The following WFS1 variants were observed in gnomAD, a reference collection of about 807,000 sequenced individuals.
WFS1 encodes the protein wolframin ER transmembrane glycoprotein.
Under a neutral mutation model 68.5 loss-of-function variants are expected in WFS1, and 90 were observed. The ratio of observed to expected loss-of-function variants is 1.31; its 90% confidence interval spans 1.11 to 1.56. WFS1 has a LOEUF of 1.56. Ranked by LOEUF, WFS1 falls within the 40% of genes most tolerant of loss-of-function variation. WFS1 has a pLI of 0.00. For missense variants in WFS1, 1,767 were observed against 1,232.6 expected (o/e 1.43, Z -6.49); for synonymous variants, 860 against 540.7 (o/e 1.59, Z -8.19).
rs148452706 is a variant in WFS1 at position 6,285,357 on chromosome 4, G to A, written c.233-1736G>A. 4.9e-3 allele frequency among the ~76,000 whole-genome samples: 737 copies of A among 150,914 alleles called. 4 individuals carry two copies. Among genetic ancestry groups the A allele is most frequent in the Middle Eastern group, 0.017 (5 of 294 alleles). On this transcript the variant is annotated intron_variant, in intron 2 of 7. Coordinates refer to ENST00000226760, the MANE Select transcript of WFS1 (RefSeq NM_006005.3). ...CCTGTCAGGGAGGGTGGTGTCCAGG[G>A]AAAGCAGCATCAAGGGAGAGGGGTG...
At chr4:6,285,131 T>C (rs910637671) in intron 2 of WFS1, among the ~76,000 whole-genome samples, 4 of 151,822 alleles carry the variant, frequency 2.6e-5, no homozygotes, top group Admixed American at 2.6e-4. Context: ...GCAAGGAAGC[T>C]GAGCCCGAAA....
chr4:6,278,641 G>C (rs1487331720), intron 2 of WFS1, among the ~76,000 whole-genome samples: 1 of 152,224 alleles, frequency 6.6e-6, no homozygotes, highest in Admixed American at 6.5e-5. Context: ...TCTTGTCCCA[G>C]TCACCCCACT....
At chr4:6,293,064 A>G (rs1730511900) in intron 6 of WFS1, among the ~76,000 whole-genome samples, 1 of 152,216 alleles carries the variant, frequency 6.6e-6, no homozygotes, top group African/African-American at 2.4e-5. Context: ...AGGAAGCCCG[A>G]GGACCAGAGA....
At position 6,301,220 on chromosome 4, in the gene WFS1, C is replaced by T. The variant is rs370846103; in HGVS notation, c.1425C>T (p.Pro475=). Residue 475 remains proline (P), a synonymous_variant, in exon 8 of 8, where the codon CCC becomes CCT. Coordinates refer to ENST00000226760, the MANE Select transcript of WFS1 (RefSeq NM_006005.3). ...AGLLSLLPSM[P]LNWPYLKVLG... is the part of the protein sequence containing the mutation. ...TGCTATCGCTGCTGCCCTCCATGCC[C>T]TTGAATTGGCCCTACCTGAAGGTCC... is the stretch of plus-strand genomic sequence containing the variant. The T allele has an allele frequency of 5.8e-5, 93 of 1,611,924 alleles. No individual in the cohort carries two copies. The highest frequency in any genetic ancestry group is 7.5e-5 in the Non-Finnish European group (88 of 1,180,028).
At chr4:6,291,087 C>A (rs529419595) in intron 4 of WFS1, 110 bp from the exon 5 acceptor site, 2 of 1,271,112 alleles carry the variant, frequency 1.6e-6, no homozygotes, top group African/African-American at 1.5e-5. Flanking sequence ...AGTCCTGACA[C>A]CTTCTATGAG....
chr4:6,301,405 GC>G lies in WFS1; in HGVS notation c.1611del (p.Phe538SerfsTer87), dbSNP rs749058659. The G allele has an allele frequency of 6.2e-7, 1 of 1,612,486 alleles. No homozygotes were observed. Among genetic ancestry groups the G allele is most frequent in the Non-Finnish European group, 8.5e-7 (1 of 1,180,020 alleles). On this transcript the variant is annotated frameshift_variant, in exon 8 of 8. Coordinates refer to ENST00000226760, the MANE Select transcript of WFS1 (RefSeq NM_006005.3). LOFTEE classifies it high-confidence loss of function. ...TYCYLVPYLV[C>X]FMWCELSVVI... ...TGCTACCTTGTGCCCTACCTGGTGT[GC>G]TTCATGTGGTGTGAGCTCTCCGTGG...
At chr4:6,293,035 G>A (rs1483178321) in intron 6 of WFS1, among the ~76,000 whole-genome samples, 1 of 152,196 alleles carries the variant, frequency 6.6e-6, no homozygotes, top group Non-Finnish European at 1.5e-5. Flanking sequence ...CATGGAAGTG[G>A]GAAGAAATCT....
intron 4 of WFS1, 45 bp from the exon 5 acceptor site, chr4:6,291,152 C>T (rs1305780288): frequency 6.2e-7 from 1 of 1,605,950 alleles, no homozygotes; most frequent in African/African-American, 1.3e-5. Context: ...GCACCGAAAG[C>T]CTAGGCAGGG....
intron 3 of WFS1, among the ~76,000 whole-genome samples, chr4:6,288,244 C>T (rs540703493): frequency 6.6e-6 from 1 of 151,740 alleles, no homozygotes; most frequent in African/African-American, 2.4e-5. Flanking sequence ...AATTTCTTTC[C>T]TGACCTCACA....
chr4:6,287,094 G>C lies in WFS1; in HGVS notation c.234G>C (p.Gly78=), dbSNP rs1205134261. 1 of 1,555,850 alleles carries C rather than the reference G, an allele frequency of 6.4e-7. No homozygotes were observed. Among genetic ancestry groups the C allele is most frequent in the Non-Finnish European group, 8.7e-7 (1 of 1,148,382 alleles). Residue 78 remains glycine, a splice_region_variant and synonymous_variant, in exon 3 of 8, where the codon GGG becomes GGC. Coordinates refer to ENST00000226760, the MANE Select transcript of WFS1 (RefSeq NM_006005.3). The surrounding 1 kb of genome is among the most constrained non-coding windows in gnomAD (Gnocchi z 6.4). ...TRSRERADGT[G]PTKGDMEIPF... is the part of the protein sequence containing the mutation. ...GTGTTTGTTTCTTCTGTGTTAAAGG[G>C]CCTACAAAGGGAGACATGGAAATCC...
At chr4:6,298,452 C>G (rs1403517225) in intron 7 of WFS1, among the ~76,000 whole-genome samples, 1 of 152,240 alleles carries the variant, frequency 6.6e-6, no homozygotes, top group African/African-American at 2.4e-5. Context: ...CCAGAGAGAG[C>G]TAGGGGAGCT....
In WFS1 at chr4:6,302,392, A is replaced by G. The variant is rs2109127904; in HGVS notation, c.2597A>G (p.Asp866Gly). 1 of 1,613,104 alleles carries G rather than the reference A, an allele frequency of 6.2e-7. No homozygotes were observed. Residue 866 changes from aspartate to glycine, a missense_variant, in exon 8 of 8, where the codon GAC becomes GGC. By Grantham distance (94) the Asp-to-Gly change is moderately conservative (BLOSUM62 -1). Coordinates refer to ENST00000226760, the MANE Select transcript of WFS1 (RefSeq NM_006005.3). ...AGGCGGCACGTGAAGATCGAGCACGACTGGCGCAGCACCGTGCATGGCGCC... is the reference window on the plus strand; with the variant it reads ...AGGCGGCACGTGAAGATCGAGCACGGCTGGCGCAGCACCGTGCATGGCGCC... ...PTRRHVKIEHDWRSTVHGAVK... is the reference protein window; with the variant it reads ...PTRRHVKIEHGWRSTVHGAVK...
intron 1 of WFS1, among the ~76,000 whole-genome samples, chr4:6,271,580 C>G (rs190656454): frequency 2.4e-4 from 37 of 152,314 alleles, no homozygotes; most frequent in African/African-American, 8.9e-4. Flanking sequence ...TTCCCTACTT[C>G]CGGAAGTGGT....
chr4:6,300,588 G>C, intron 7 of WFS1, 69 bp from the exon 8 acceptor site: 1 of 1,605,854 alleles, frequency 6.2e-7, no homozygotes, highest in Non-Finnish European at 8.5e-7. Flanking sequence ...GGTGGTCAGA[G>C]GGAGGCGTGA....
At chr4:6,274,197 C>A (rs958501602) in intron 1 of WFS1, among the ~76,000 whole-genome samples, 3 of 152,120 alleles carry the variant, frequency 2.0e-5, no homozygotes, top group Non-Finnish European at 4.4e-5. Context: ...TCGGCGCCCG[C>A]CACCACGCCT....
Position 6,287,339 on chromosome 4 carries a change from C to T in WFS1, c.315+164C>T. The T allele has an allele frequency of 1.5e-6, 1 of 674,892 alleles. No individual in the cohort carries two copies. Among genetic ancestry groups the T allele is most frequent in the Non-Finnish European group, 2.7e-6 (1 of 374,646 alleles). 41.8% of individuals were successfully genotyped at this position (674,892 alleles called of 1,614,324 possible). A position where few individuals can be genotyped will look rare whatever the true frequency, so the allele number is the denominator to read the frequency against. ...TTGAGCCCCATGTTGGTAGGGTGCC[C>T]ATGTTCACTGTGCCAGTTTTCCTCC... On this transcript the variant is annotated intron_variant, in intron 3 of 7. Coordinates refer to ENST00000226760, the MANE Select transcript of WFS1 (RefSeq NM_006005.3). The surrounding 1 kb of genome is among the most constrained non-coding windows in gnomAD (Gnocchi z 6.4).
rs13147655 is a variant in WFS1, at chr4:6,291,747, A to G, written c.632-170A>G. 0.64 allele frequency among the ~76,000 whole-genome samples: 97,375 copies of G among 152,108 alleles called. 31,771 individuals carry two copies. Among genetic ancestry groups the G allele is most frequent in the East Asian group, 0.94 (4,838 of 5,174 alleles). ...TGAGTCCACCCCAGCTACTGGAGGT[A>G]CAGAGGTGTGGCCCCTGCTCTGCCT... is the stretch of plus-strand genomic sequence containing the variant. On this transcript the variant is annotated intron_variant, in intron 5 of 7. Transcript: ENST00000226760.
At chr4:6,298,821 C>G (rs550559877) in intron 7 of WFS1, among the ~76,000 whole-genome samples, 3 of 152,342 alleles carry the variant, frequency 2.0e-5, no homozygotes, top group East Asian at 3.9e-4. Flanking sequence ...TTGCCATTCA[C>G]CTGGGATCCC....
chr4:6,301,401 G>T lies in WFS1; in HGVS notation c.1606G>T (p.Val536Leu). The T allele has an allele frequency of 6.2e-7, 1 of 1,612,546 alleles. No homozygotes were observed. The change falls in exon 8 of 8, where the codon GTG (valine) becomes TTG (leucine). Residue 536 changes from valine to leucine, a missense_variant. Val to Leu is a conservative substitution (Grantham distance 32). Coordinates refer to ENST00000226760, the MANE Select transcript of WFS1 (RefSeq NM_006005.3). ...GTYCYLVPYLVCFMWCELSVV... is the reference protein window; with the variant it reads ...GTYCYLVPYLLCFMWCELSVV... ...CTACTGCTACCTTGTGCCCTACCTG[G>T]TGTGCTTCATGTGGTGTGAGCTCTC... is the stretch of plus-strand genomic sequence containing the variant.
Sources: gnomAD v4.1 joint callset for allele counts (sites outside exome capture counted in the v4.1 genomes callset) on GRCh38, gnomAD v4.1.1 for gene constraint, Gnocchi (gnomAD v3.1) non-coding constraint, MANE v1.5 for transcripts, NCBI Gene and HGNC (gene_info 2026-07-23, HGNC 2026-07-21) for gene names.